MGAT4C: variants seen among roughly 807,000 people sequenced by gnomAD.
The protein encoded by MGAT4C is MGAT4 family member C.
A neutral mutation model predicts 40.1 loss-of-function variants in MGAT4C; 19 were observed. The observed-to-expected ratio is 0.47, with a 90% CI of 0.33 to 0.70. MGAT4C has a LOEUF of 0.70. Ranked by LOEUF, MGAT4C falls within the 30% of genes least tolerant of loss-of-function variation. MGAT4C has a pLI of 0.02. For missense variants in MGAT4C, 491 were observed against 563.2 expected (o/e 0.87, Z 1.30); for synonymous variants, 181 against 187.1 (o/e 0.97, Z 0.27).
chr12:86,126,780 G>C (rs1880344782), intron 1 of MGAT4C, among the ~76,000 whole-genome samples: 1 of 152,178 alleles, frequency 6.6e-6, no homozygotes. Flanking sequence ...GAATGCCATG[G>C]AGTGTACTAA....
intron 1 of MGAT4C, among the ~76,000 whole-genome samples, chr12:86,061,426 G>A (rs931978502): frequency 2.0e-5 from 3 of 152,004 alleles, no homozygotes; most frequent in Non-Finnish European, 2.9e-5. Flanking sequence ...CACAAAACTC[G>A]GCGGCAGTTT....
chr12:86,401,285 T>TGG (rs1473607612), intron 3 of MGAT4C, among the ~76,000 whole-genome samples: 65 of 102,968 alleles, frequency 6.3e-4, no homozygotes, highest in African/African-American at 1.4e-3. Flanking sequence ...TGTGTGTATG[T>TGG]GGGTGTGTGT....
At chr12:86,466,167 C>T (rs937890741) in intron 2 of MGAT4C, among the ~76,000 whole-genome samples, 5 of 151,786 alleles carry the variant, frequency 3.3e-5, no homozygotes, top group African/African-American at 1.2e-4. Flanking sequence ...AGAGATAGCG[C>T]CATTGCACTC....
chr12:86,503,787 CATATAT>C (rs10679798), intron 2 of MGAT4C, among the ~76,000 whole-genome samples: 1 of 15,736 alleles, frequency 6.4e-5, no homozygotes, highest in Non-Finnish European at 1.2e-4. Flanking sequence ...GAGTTCTGCT[CATATAT>C]ATATATATAT....
intron 2 of MGAT4C, among the ~76,000 whole-genome samples, chr12:86,720,053 A>G (rs1301105688): frequency 6.6e-6 from 1 of 152,174 alleles, no homozygotes; most frequent in African/African-American, 2.4e-5. Flanking sequence ...CTTAATTTAA[A>G]AATATTTTGC....
At chr12:86,162,737 T>C (rs1293330340) in intron 1 of MGAT4C, among the ~76,000 whole-genome samples, 1 of 152,150 alleles carries the variant, frequency 6.6e-6, no homozygotes, top group Non-Finnish European at 1.5e-5. Flanking sequence ...CATTAGCAAA[T>C]GTTGTTAACT....
At chr12:86,463,808 C>G (rs1015784632) in intron 2 of MGAT4C, among the ~76,000 whole-genome samples, 1 of 152,078 alleles carries the variant, frequency 6.6e-6, no homozygotes, top group Non-Finnish European at 1.5e-5. Context: ...TCTTACTTTG[C>G]TATGTTTTCC....
At chr12:86,435,537 C>T (rs1957121216) in intron 2 of MGAT4C, among the ~76,000 whole-genome samples, 2 of 151,848 alleles carry the variant, frequency 1.3e-5, no homozygotes, top group South Asian at 4.1e-4. Flanking sequence ...AATTATAAAT[C>T]AAGATGATAC....
At chr12:86,258,999 T>A (rs1952599826), upstream of MGAT4C, among the ~76,000 whole-genome samples, 2 of 151,964 alleles carry the variant, frequency 1.3e-5, no homozygotes, top group Admixed American at 1.3e-4. Context: ...TTTAAATAAT[T>A]ACATTTATAC....
At chr12:85,995,587 G>A (rs993203270) in intron 2 of MGAT4C, among the ~76,000 whole-genome samples, 4 of 152,100 alleles carry the variant, frequency 2.6e-5, no homozygotes, top group Non-Finnish European at 5.9e-5. Flanking sequence ...ATACTCAGAG[G>A]CCAGCTGCGG....
At chr12:86,532,092 T>C (rs1156390164) in intron 2 of MGAT4C, among the ~76,000 whole-genome samples, 5 of 151,994 alleles carry the variant, frequency 3.3e-5, no homozygotes, top group African/African-American at 1.2e-4. Flanking sequence ...AGGAATAGGA[T>C]AATTTTGGGG....
chr12:86,134,263 C>T (rs986895861), intron 1 of MGAT4C, among the ~76,000 whole-genome samples: 1 of 151,934 alleles, frequency 6.6e-6, no homozygotes, highest in Non-Finnish European at 1.5e-5. Context: ...ATTTTTAGTC[C>T]TCATTTTTGC....
In MGAT4C at chr12:85,962,905, G is replaced by A. The variant is rs190916300; in HGVS notation, c.*16384C>T. On this transcript the variant is annotated 3_prime_UTR_variant, in exon 5 of 5. Coordinates refer to ENST00000611864, the MANE Select transcript of MGAT4C (RefSeq NM_001351288.2). ...TAGCTGTTTATGTTAGTATTGCAGGGTAGCTATTTGATAATGAAATATACT... is the reference window on the plus strand; with the variant it reads ...TAGCTGTTTATGTTAGTATTGCAGGATAGCTATTTGATAATGAAATATACT... 1 of 151,398 alleles carries A rather than the reference G, an allele frequency of 6.6e-6. No individual in the cohort carries two copies. The highest frequency in any genetic ancestry group is 1.5e-5 in the Non-Finnish European group (1 of 67,672). 9.4% of individuals were successfully genotyped at this position (151,398 alleles called of 1,614,324 possible). A position where few individuals can be genotyped will look rare whatever the true frequency, so the allele number is the denominator to read the frequency against.
chr12:86,707,528 C>CTT (rs755566527), intron 2 of MGAT4C, among the ~76,000 whole-genome samples: 2 of 132,836 alleles, frequency 1.5e-5, no homozygotes. Context: ...TTTTTCTTTT[C>CTT]TTTTTTTTTT....
intron 2 of MGAT4C, among the ~76,000 whole-genome samples, chr12:86,536,145 A>G (rs1005754354): frequency 6.6e-6 from 1 of 152,144 alleles, no homozygotes; most frequent in Non-Finnish European, 1.5e-5. Context: ...ATACACCTCC[A>G]GCTAACCTTT....
chr12:86,091,608 C>G (rs115661512), intron 1 of MGAT4C, among the ~76,000 whole-genome samples: 2,946 of 152,112 alleles, frequency 0.019, 94 homozygotes, highest in African/African-American at 0.067. Context: ...AAACAGCAAA[C>G]TCAGAGAAAT....
At chr12:86,716,791 T>C (rs1021810476) in intron 2 of MGAT4C, among the ~76,000 whole-genome samples, 11 of 152,092 alleles carry the variant, frequency 7.2e-5, no homozygotes, top group Admixed American at 1.3e-4. Flanking sequence ...TAATGTTTCA[T>C]ATATTTGAAA....
intron 1 of MGAT4C, among the ~76,000 whole-genome samples, chr12:86,813,917 T>G (rs12821475): frequency 2.1e-4 from 32 of 151,942 alleles, no homozygotes; most frequent in South Asian, 1.2e-3. Flanking sequence ...TTCTTTTTTT[T>G]GGGGGGGATG....
chr12:86,421,407 T>C (rs938570793), intron 3 of MGAT4C, among the ~76,000 whole-genome samples: 2 of 152,176 alleles, frequency 1.3e-5, no homozygotes, highest in African/African-American at 4.8e-5. Flanking sequence ...CAAAAATCTC[T>C]TTTTCCAGAA....
Sources: gnomAD v4.1 joint callset for allele counts (sites outside exome capture counted in the v4.1 genomes callset) on GRCh38, gnomAD v4.1.1 for gene constraint, MANE v1.5 for transcripts, NCBI Gene and HGNC (gene_info 2026-07-23, HGNC 2026-07-21) for gene names.